Variants in TMEM71 observed in about 807,000 individuals in gnomAD.
The protein encoded by TMEM71 is transmembrane protein 71.
TMEM71 carries 44 observed loss-of-function variants against 38.0 expected under a neutral mutation model. That is an observed-to-expected ratio of 1.16 (90% CI 0.91 to 1.49). The LOEUF (loss-of-function observed/expected upper bound fraction) is 1.49, where lower values mean the gene tolerates loss of function less well. Ranked by LOEUF, TMEM71 falls within the 40% of genes most tolerant of loss-of-function variation. The probability of loss-of-function intolerance (pLI) is 0.00; values close to 1 mark genes in which losing one functional copy is unlikely to be tolerated. For missense variants in TMEM71, 367 were observed against 348.6 expected, an observed-to-expected ratio of 1.05 and a Z score of -0.42; for synonymous variants, 133 against 122.5, an observed-to-expected ratio of 1.09 and a Z score of -0.56.
At position 132,722,086 on chromosome 8, in the gene TMEM71, G is replaced by A. The variant is rs772149622; in HGVS notation, c.706C>T (p.Gln236Ter). 6 of 1,613,716 alleles carry A rather than the reference G, an allele frequency of 3.7e-6. 2 individuals carry two copies. The Admixed American group carries it at 1.0e-4, about 27-fold the overall frequency. Residue 236 changes from glutamine (Q) to a stop codon, truncating the protein, a stop_gained, in exon 7 of 10, where the codon CAG becomes TAG. Transcript: ENST00000677595. LOFTEE classifies it high-confidence loss of function. The part of the protein sequence containing the change: ...ETRLLQEVFF[Q>*]AILLAVCLII... The stretch of plus-strand genomic sequence containing the variant: ...AAGCACACAGCAAGCAGGATTGCCT[G>A]AAAGAAGACCTCTTGCAACAACCTG...
At chr8:132,736,711 G>A (rs1360609443) in intron 5 of TMEM71, among the ~76,000 whole-genome samples, 1 of 152,000 alleles carries the variant, frequency 6.6e-6, no homozygotes, top group Non-Finnish European at 1.5e-5. Flanking sequence ...CATGCCTGTA[G>A]TTCCAGCTAC....
chr8:132,712,570 T>G (rs1826291141), intron 9 of TMEM71, among the ~76,000 whole-genome samples: 1 of 152,090 alleles, frequency 6.6e-6, no homozygotes, highest in Non-Finnish European at 1.5e-5. Context: ...AAAAGGCAAC[T>G]TCACCTTGCC....
At chr8:132,775,620 T>C in the TMEM71 span, 2 of 343,180 alleles carry the variant, frequency 5.8e-6, no homozygotes, top group Non-Finnish European at 1.1e-5. Context: ...ACGGCCCGGC[T>C]GCTGTGCAGA....
At chr8:132,727,417 C>T (rs1827206195) in intron 6 of TMEM71, among the ~76,000 whole-genome samples, 1 of 151,976 alleles carries the variant, frequency 6.6e-6, no homozygotes, top group African/African-American at 2.4e-5. Flanking sequence ...CCACCATGCC[C>T]AGCTAATTTT....
intron 7 of TMEM71, among the ~76,000 whole-genome samples, chr8:132,720,810 C>A (rs762005428): frequency 2.6e-5 from 4 of 152,170 alleles, no homozygotes; most frequent in Non-Finnish European, 5.9e-5. Context: ...GACCCCTGGA[C>A]TGTTGTATTC....
chr8:132,723,693 G>A (rs1234878837), intron 6 of TMEM71, among the ~76,000 whole-genome samples: 1 of 151,980 alleles, frequency 6.6e-6, no homozygotes, highest in Non-Finnish European at 1.5e-5. Flanking sequence ...TGTTCTCTGG[G>A]GACAGTGCTC....
chr8:132,761,869 A>G (rs1829303450), upstream of TMEM71, among the ~76,000 whole-genome samples: 1 of 152,314 alleles, frequency 6.6e-6, no homozygotes, highest in Admixed American at 6.5e-5. Context: ...TAAGGGTCTG[A>G]TGCTCCATCC....
chr8:132,727,040 AG>A (rs532784184), intron 6 of TMEM71, among the ~76,000 whole-genome samples: 5 of 151,526 alleles, frequency 3.3e-5, no homozygotes, highest in Non-Finnish European at 7.4e-5. Flanking sequence ...TATTTTTAGT[AG>A]AGATGGACTT....
intron 5 of TMEM71, among the ~76,000 whole-genome samples, chr8:132,735,810 C>G (rs1001135490): frequency 2.0e-5 from 3 of 152,116 alleles, no homozygotes; most frequent in Non-Finnish European, 4.4e-5. Context: ...CTGATTTTTG[C>G]CAAATCCCAG....
the TMEM71 span, among the ~76,000 whole-genome samples, chr8:132,774,370 TTA>T: frequency 1.3e-5 from 2 of 152,238 alleles, no homozygotes; most frequent in Non-Finnish European, 2.9e-5. Flanking sequence ...ACTGTCTTAT[TTA>T]TATCTTTTCT....
intron 5 of TMEM71, among the ~76,000 whole-genome samples, chr8:132,740,166 A>T (rs1236513620): frequency 1.3e-5 from 2 of 152,080 alleles, no homozygotes; most frequent in Admixed American, 6.6e-5. Flanking sequence ...TGCATTCCTG[A>T]CACACCTTTC....
chr8:132,742,172 A>C (rs1196302781), intron 5 of TMEM71, among the ~76,000 whole-genome samples: 1 of 152,250 alleles, frequency 6.6e-6, no homozygotes, highest in African/African-American at 2.4e-5. Flanking sequence ...TAATTGCTAC[A>C]AACCAATGAT....
intron 5 of TMEM71, among the ~76,000 whole-genome samples, chr8:132,731,325 A>G (rs1445403593): frequency 6.6e-6 from 1 of 152,200 alleles, no homozygotes; most frequent in East Asian, 1.9e-4. Context: ...GGTGCTGATG[A>G]GTCATCAAAC....
At chr8:132,728,579 A>G (rs951780471) in intron 5 of TMEM71, among the ~76,000 whole-genome samples, 3 of 152,222 alleles carry the variant, frequency 2.0e-5, no homozygotes, top group East Asian at 3.8e-4. Flanking sequence ...TGAAGGTTGA[A>G]GAGAAATATC....
chr8:132,736,132 G>A (rs1827732301), intron 5 of TMEM71, among the ~76,000 whole-genome samples: 1 of 152,194 alleles, frequency 6.6e-6, no homozygotes, highest in Non-Finnish European at 1.5e-5. Flanking sequence ...AGGATTGTAA[G>A]GGAATTGGAA....
intron 5 of TMEM71, among the ~76,000 whole-genome samples, chr8:132,737,370 A>G (rs149062665): frequency 6.6e-4 from 100 of 152,352 alleles, no homozygotes; most frequent in Admixed American, 3.3e-3. Context: ...AAGATTCCAC[A>G]CATAACACAT....
At chr8:132,755,724 G>C (rs560946751) in intron 3 of TMEM71, among the ~76,000 whole-genome samples, 37 of 152,248 alleles carry the variant, frequency 2.4e-4, no homozygotes, top group Non-Finnish European at 4.7e-4. Flanking sequence ...TATATACAAT[G>C]AATATATGCA....
chr8:132,772,571 G>A, the TMEM71 span, among the ~76,000 whole-genome samples: 1 of 152,090 alleles, frequency 6.6e-6, no homozygotes, highest in African/African-American at 2.4e-5. Context: ...TGAATTTTTT[G>A]TCAGTTTTAT....
chr8:132,730,956 A>G (rs1827421605), intron 5 of TMEM71, among the ~76,000 whole-genome samples: 1 of 152,178 alleles, frequency 6.6e-6, no homozygotes, highest in African/African-American at 2.4e-5. Context: ...AGAAGGCATC[A>G]CTTATGGACA....
Sources: gnomAD v4.1 joint callset for allele counts (sites outside exome capture counted in the v4.1 genomes callset) on GRCh38, gnomAD v4.1.1 for gene constraint, MANE v1.5 for transcripts, NCBI Gene and HGNC (gene_info 2026-07-23, HGNC 2026-07-21) for gene names.